AFF2: variants seen among roughly 807,000 people sequenced by gnomAD.
AFF2 encodes the protein ALF transcription elongation factor 2.
Under a neutral mutation model 76.9 loss-of-function variants are expected in AFF2, and 14 were observed. That is an observed-to-expected ratio of 0.18 (90% CI 0.12 to 0.28). The LOEUF is 0.28. Ranked by LOEUF, AFF2 falls within the 10% of genes least tolerant of loss-of-function variation. AFF2 has a pLI of 1.00. For synonymous variants in AFF2, 398 were observed against 366.7 expected, an observed-to-expected ratio of 1.09 and a Z score of -0.98; for missense variants, 868 against 1,001.1, an observed-to-expected ratio of 0.87 and a Z score of 1.79.
At chrX:148,557,659 T>C (rs991950116) in intron 1 of AFF2, among the ~76,000 whole-genome samples, 1 of 112,443 alleles carries the variant, frequency 8.9e-6, no homozygotes, top group African/African-American at 3.2e-5. Context: ...CATTAGAGAT[T>C]AAATTTCTAA....
chrX:148,997,518 T>C lies in AFF2; in HGVS notation c.*6186T>C, dbSNP rs782804435. 6 of 112,352 alleles carry C rather than the reference T, an allele frequency of 5.3e-5. No individual in the cohort carries two copies. The highest frequency in any genetic ancestry group is 9.4e-5 in the Non-Finnish European group (5 of 53,287). 9.3% of individuals were successfully genotyped at this position (112,352 alleles called of 1,213,427 possible). On this transcript the variant is annotated 3_prime_UTR_variant, in exon 21 of 21. Transcript: ENST00000370460. ...CATTTTCTCTCTGGGCCTGTATCCA[T>C]GGTTGAATGTTAGCCCTGGAGGAGA...
intron 8 of AFF2, among the ~76,000 whole-genome samples, chrX:148,893,100 A>G (rs991441218): frequency 1.2e-4 from 13 of 112,507 alleles, no homozygotes; most frequent in Non-Finnish European, 1.5e-4. Context: ...ATGTAGCTGA[A>G]TAAAACCCAT....
intron 1 of AFF2, among the ~76,000 whole-genome samples, chrX:148,510,080 T>G (rs1557232960): frequency 1.8e-5 from 2 of 111,618 alleles, no homozygotes; most frequent in African/African-American, 6.5e-5. Flanking sequence ...GCAACTTTGT[T>G]GTTGTGAAAG....
At chrX:148,546,312 A>T in intron 1 of AFF2, among the ~76,000 whole-genome samples, 3 of 111,799 alleles carry the variant, frequency 2.7e-5, no homozygotes, top group Middle Eastern at 4.6e-3. Flanking sequence ...ACACCTGCGC[A>T]GGTAGAGGAC....
chrX:148,900,630 G>A (rs1194701654), intron 8 of AFF2, among the ~76,000 whole-genome samples: 1 of 111,184 alleles, frequency 9.0e-6, no homozygotes, highest in Non-Finnish European at 1.9e-5. Context: ...AAAGTAAAGA[G>A]CCCATCTGAT....
intron 5 of AFF2, among the ~76,000 whole-genome samples, chrX:148,839,536 G>A (rs2070570716): frequency 9.0e-6 from 1 of 111,588 alleles, no homozygotes; most frequent in South Asian, 3.8e-4. Context: ...ATAAATAAGG[G>A]AACCAGTACT....
At chrX:148,734,882 C>T (rs782678631) in intron 3 of AFF2, among the ~76,000 whole-genome samples, 6 of 111,914 alleles carry the variant, frequency 5.4e-5, no homozygotes, top group Non-Finnish European at 9.4e-5. Context: ...GATCATCTAG[C>T]ATGTCTGACA....
At chrX:148,792,169 A>T (rs2069903907) in intron 3 of AFF2, among the ~76,000 whole-genome samples, 1 of 111,704 alleles carries the variant, frequency 9.0e-6, no homozygotes, top group Admixed American at 9.5e-5. Context: ...CCTCACTTTC[A>T]TCATCTACAC....
At chrX:148,747,601 C>G (rs2055436754) in intron 3 of AFF2, among the ~76,000 whole-genome samples, 1 of 111,489 alleles carries the variant, frequency 9.0e-6, no homozygotes, top group South Asian at 3.8e-4. Flanking sequence ...GTTTACACAT[C>G]TCTTTATTTT....
chrX:148,809,724 C>T, intron 3 of AFF2, 152 bp from the exon 4 acceptor site: 1 of 514,672 alleles, frequency 1.9e-6, no homozygotes, highest in Non-Finnish European at 3.1e-6. Context: ...TAAAGTAAAA[C>T]AAAATTAGTC....
rs182934691 is a variant in AFF2, at chrX:148,711,137, C to T, written c.1041+48369C>T. Among the ~76,000 whole-genome samples the T allele has an allele frequency of 5.9e-3, 654 of 111,678 alleles. 8 individuals are homozygous for T. The highest frequency in any genetic ancestry group is 0.02 in the African/African-American group (611 of 30,868). The stretch of plus-strand genomic sequence containing the variant: ...TAAATAAAGGATGAAGAAATTTTCT[C>T]TATGTAGAATAGTTTTTCCTTTGCT... On this transcript the variant is annotated intron_variant, in intron 3 of 20. Transcript: ENST00000370460.
chrX:148,701,007 A>AATGTGTGT (rs2054785258), intron 3 of AFF2, among the ~76,000 whole-genome samples: 2 of 83,140 alleles, frequency 2.4e-5, no homozygotes, highest in African/African-American at 4.8e-5. Flanking sequence ...AGAGAGAGAG[A>AATGTGTGT]GAGAATGTGT....
At chrX:148,966,597 A>C (rs1182421312) in intron 13 of AFF2, among the ~76,000 whole-genome samples, 193 bp from the exon 14 acceptor site, 1 of 110,622 alleles carries the variant, frequency 9.0e-6, no homozygotes, top group Non-Finnish European at 1.9e-5. Context: ...TCATAATAGA[A>C]CAAAAGCTGG....
chrX:148,576,021 A>G (rs2053283831), intron 1 of AFF2, among the ~76,000 whole-genome samples: 1 of 111,118 alleles, frequency 9.0e-6, no homozygotes, highest in Non-Finnish European at 1.9e-5. Context: ...CTGCAAGTTT[A>G]GCTATGACAA....
At chrX:148,959,414 A>G (rs1557287765) in intron 12 of AFF2, among the ~76,000 whole-genome samples, 1 of 112,504 alleles carries the variant, frequency 8.9e-6, no homozygotes, top group African/African-American at 3.2e-5. Flanking sequence ...AATCTGGCTA[A>G]CTGCAGCTAA....
Position 148,995,332 on chromosome X carries a change from A to T in AFF2, c.*4000A>T, listed in dbSNP as rs1340822226. 6.3e-5 allele frequency: 7 copies of T among 110,665 alleles called. No homozygotes were observed. The highest frequency in any genetic ancestry group is 2.3e-4 in the African/African-American group (7 of 30,277). 9.1% of individuals were successfully genotyped at this position (110,665 alleles called of 1,213,427 possible). ...TCTCAGACATTAATCCTACCATCTG[A>T]TATTTTTGGTGAAGGAAAAAGTATT... On this transcript the variant is annotated 3_prime_UTR_variant, in exon 21 of 21. Transcript: ENST00000370460.
At position 148,571,563 on chromosome X, in the gene AFF2, A is replaced by G. The variant is rs2053230176; in HGVS notation, c.47+70419A>G. Among the ~76,000 whole-genome samples the G allele has an allele frequency of 4.5e-5, 5 of 111,862 alleles. No homozygotes were observed. In the Admixed American group the frequency reaches 4.8e-4, roughly 11 times the overall value. On this transcript the variant is annotated intron_variant, in intron 1 of 20. Coordinates refer to ENST00000370460, the MANE Select transcript of AFF2 (RefSeq NM_002025.4). The stretch of plus-strand genomic sequence containing the variant: ...AAGATTGTATTGATCAAAGAGAGGA[A>G]TTCTCAAAGTCTTGTAGCTAAACTT...
intron 16 of AFF2, among the ~76,000 whole-genome samples, chrX:148,977,504 T>C (rs2072339695): frequency 9.0e-6 from 1 of 110,824 alleles, no homozygotes; most frequent in African/African-American, 3.3e-5. Flanking sequence ...ATTATTTACC[T>C]AATCTGTCAT....
intron 1 of AFF2, among the ~76,000 whole-genome samples, chrX:148,638,734 A>T (rs1557254244): frequency 9.0e-6 from 1 of 110,788 alleles, no homozygotes; most frequent in East Asian, 2.8e-4. Flanking sequence ...CCACACACTT[A>T]AACAACCAGA....
Sources: allele counts gnomAD v4.1 joint callset (sites outside exome capture counted in the v4.1 genomes callset), GRCh38; gene constraint gnomAD v4.1.1; transcripts MANE v1.5; gene names NCBI Gene and HGNC (gene_info 2026-07-23, HGNC 2026-07-21).